The following TMEM161B variants were observed in gnomAD, a reference collection of about 807,000 sequenced individuals.
The protein encoded by TMEM161B is transmembrane protein 161B.
Under a neutral mutation model 61.8 loss-of-function variants are expected in TMEM161B, and 34 were observed. The observed-to-expected ratio is 0.55, with a 90% CI of 0.42 to 0.73. The LOEUF (loss-of-function observed/expected upper bound fraction) is 0.73, where lower values mean the gene tolerates loss of function less well. TMEM161B is among the 30% of genes least tolerant of loss of function. The probability of loss-of-function intolerance (pLI) is 0.00; values close to 1 mark genes in which losing one functional copy is unlikely to be tolerated. For missense variants in TMEM161B, 456 were observed against 558.5 expected (o/e 0.82, Z 1.85); for synonymous variants, 167 against 192.8 (o/e 0.87, Z 1.11).
At chr5:88,186,408 G>A (rs563482563), downstream of TMEM161B, among the ~76,000 whole-genome samples, 8 of 152,174 alleles carry the variant, frequency 5.3e-5, no homozygotes, top group East Asian at 1.2e-3. Context: ...CATCATAATC[G>A]AATTGCTAGA....
At chr5:88,257,315 A>C (rs752261955) in intron 1 of TMEM161B, among the ~76,000 whole-genome samples, 2 of 152,156 alleles carry the variant, frequency 1.3e-5, no homozygotes, top group Non-Finnish European at 2.9e-5. Context: ...CTTTCCTTTT[A>C]ACAAACTAAA....
intron 5 of TMEM161B, among the ~76,000 whole-genome samples, chr5:88,214,655 C>T (rs947921374): frequency 2.0e-5 from 3 of 152,184 alleles, no homozygotes; most frequent in Non-Finnish European, 4.4e-5. Flanking sequence ...ACAGGAAAGA[C>T]ATTTACTAGA....
rs551510315 is a variant in TMEM161B, at chr5:88,226,236, A to AAC, written c.192-372_192-371dup. Reference sequence around the variant, plus strand: ...ACTTCTCCTTGAAGTGACGTGTATAAACACACACACACACATACATATAAA... The same window carrying AAC: ...ACTTCTCCTTGAAGTGACGTGTATAAACACACACACACACACATACATATAAA... On this transcript the variant is annotated intron_variant, in intron 3 of 11. Transcript: ENST00000296595. Among the ~76,000 whole-genome samples the AAC allele has an allele frequency of 5.3e-3, 799 of 151,870 alleles. 4 individuals carry two copies. The highest frequency in any genetic ancestry group is 7.4e-3 in the Non-Finnish European group (505 of 67,874).
chr5:88,223,588 G>C (rs953790169), intron 4 of TMEM161B, among the ~76,000 whole-genome samples: 7 of 152,054 alleles, frequency 4.6e-5, no homozygotes, highest in African/African-American at 1.7e-4. Flanking sequence ...GACATAACCA[G>C]TCTTAAAAGT....
chr5:88,190,223 C>A, downstream of TMEM161B: 1 of 701,014 alleles, frequency 1.4e-6, no homozygotes, highest in Non-Finnish European at 2.6e-6. Context: ...CATAAGCTTG[C>A]ATGCCGGGTG....
chr5:88,187,684 T>C (rs938247654), downstream of TMEM161B, among the ~76,000 whole-genome samples: 7 of 152,090 alleles, frequency 4.6e-5, no homozygotes, highest in Non-Finnish European at 1.0e-4. Context: ...TTAGCATTGA[T>C]ATGGGTTACT....
At chr5:88,193,658 C>A (rs889735107), downstream of TMEM161B, among the ~76,000 whole-genome samples, 1 of 152,122 alleles carries the variant, frequency 6.6e-6, no homozygotes, top group Non-Finnish European at 1.5e-5. Context: ...ATAATGAATT[C>A]TATGTCTTTT....
At chr5:88,230,458 T>C (rs1169468024) in intron 2 of TMEM161B, among the ~76,000 whole-genome samples, 1 of 152,132 alleles carries the variant, frequency 6.6e-6, no homozygotes, top group Non-Finnish European at 1.5e-5. Flanking sequence ...AAATTCCCAT[T>C]AAAACACATA....
intron 2 of TMEM161B, among the ~76,000 whole-genome samples, chr5:88,232,628 C>T (rs529254300): frequency 2.6e-5 from 4 of 152,154 alleles, no homozygotes; most frequent in South Asian, 4.2e-4. Context: ...GGCTGGAGTG[C>T]GGTAGCACGA....
chr5:88,237,257 C>T (rs1752002921), intron 2 of TMEM161B, among the ~76,000 whole-genome samples: 1 of 152,074 alleles, frequency 6.6e-6, no homozygotes, highest in South Asian at 2.1e-4. Flanking sequence ...AGTCACAAGG[C>T]CCCAGCCTAT....
intron 5 of TMEM161B, among the ~76,000 whole-genome samples, chr5:88,207,459 A>G (rs1044891800): frequency 6.6e-6 from 1 of 152,188 alleles, no homozygotes; most frequent in South Asian, 2.1e-4. Flanking sequence ...AGGTTATTCT[A>G]GAGAACTGTC....
At chr5:88,239,002 C>T (rs1752306938) in intron 2 of TMEM161B, among the ~76,000 whole-genome samples, 2 of 151,920 alleles carry the variant, frequency 1.3e-5, no homozygotes, top group African/African-American at 2.4e-5. Context: ...AAAAGTTAAT[C>T]CATTTACAAA....
chr5:88,205,146 A>G (rs1745211005), intron 8 of TMEM161B, among the ~76,000 whole-genome samples: 1 of 152,204 alleles, frequency 6.6e-6, no homozygotes. Flanking sequence ...ACAAAAAAAA[A>G]TCTGTGACAA....
In TMEM161B at chr5:88,198,804, C is replaced by A. The variant is rs77534804; in HGVS notation, c.1089+172G>T. 3.2e-3 allele frequency: 1,982 copies of A among 621,852 alleles called. 27 individuals are homozygous for A. Among genetic ancestry groups the A allele is most frequent in the African/African-American group, 0.029 (1,511 of 52,982 alleles). 38.5% of individuals were successfully genotyped at this position (621,852 alleles called of 1,614,324 possible). ...GAAGAGGAATTAAGACCTCACTTGG[C>A]ACCAAAATCAGATCAAGGTCTCTTT... On this transcript the variant is annotated intron_variant, in intron 10 of 11. Transcript: ENST00000296595.
At chr5:88,234,158 G>A (rs1751465042) in intron 2 of TMEM161B, among the ~76,000 whole-genome samples, 1 of 151,966 alleles carries the variant, frequency 6.6e-6, no homozygotes, top group Non-Finnish European at 1.5e-5. Context: ...AAGTGTGTGT[G>A]GTAACAGGAA....
chr5:88,264,272 AGGATATGAACAGACACT>A (rs1244422244), intron 1 of TMEM161B, among the ~76,000 whole-genome samples: 1 of 152,246 alleles, frequency 6.6e-6, no homozygotes, highest in African/African-American at 2.4e-5. Context: ...AAGTAGGCGA[AGGATATGAACAGACACT>A]TCTCAAAAGA....
intron 1 of TMEM161B, among the ~76,000 whole-genome samples, chr5:88,258,405 G>C (rs1755266928): frequency 6.6e-6 from 1 of 152,054 alleles, no homozygotes. Flanking sequence ...TAATCTCACA[G>C]AGGAAGGGAG....
chr5:88,229,170 A>G (rs964930710), intron 2 of TMEM161B, among the ~76,000 whole-genome samples: 2 of 152,188 alleles, frequency 1.3e-5, no homozygotes, highest in African/African-American at 4.8e-5. Flanking sequence ...CAAATTAATC[A>G]ATTATTCCCT....
intron 2 of TMEM161B, among the ~76,000 whole-genome samples, chr5:88,234,059 G>C (rs1258798760): frequency 1.3e-5 from 2 of 152,178 alleles, no homozygotes; most frequent in African/African-American, 4.8e-5. Flanking sequence ...AATGGATATG[G>C]AGGGGCTTTG....
Sources: gnomAD v4.1 joint callset for allele counts (sites outside exome capture counted in the v4.1 genomes callset) on GRCh38, gnomAD v4.1.1 for gene constraint, MANE v1.5 for transcripts, NCBI Gene and HGNC (gene_info 2026-07-23, HGNC 2026-07-21) for gene names.